CPEB1: variants seen among roughly 807,000 people sequenced by gnomAD.
CPEB1 encodes the protein cytoplasmic polyadenylation element-binding protein 1.
A neutral mutation model predicts 65.8 loss-of-function variants in CPEB1; 7 were observed. The ratio of observed to expected loss-of-function variants is 0.11; its 90% CI spans 0.06 to 0.20. The LOEUF is 0.20. Ranked by LOEUF, CPEB1 falls within the 10% of genes least tolerant of loss-of-function variation. The pLI is 1.00. For missense variants in CPEB1, 551 were observed against 712.2 expected, an observed-to-expected ratio of 0.77 and a Z score of 2.58; for synonymous variants, 262 against 260.0, an observed-to-expected ratio of 1.01 and a Z score of -0.08.
chr15:82,600,052 G>A lies in CPEB1; in HGVS notation c.271+27141C>T, dbSNP rs1253516683. ...TGAGGAGATAATGGTTGTAAATTGA[G>A]TAATGAAAGATACCAGTCTATACAT... On this transcript the variant is annotated intron_variant, in intron 3 of 12. Transcript: ENST00000684509. Among the ~76,000 whole-genome samples the A allele has an allele frequency of 1.1e-4, 17 of 152,204 alleles. No individual in the cohort carries two copies. In the East Asian group the frequency reaches 2.5e-3, roughly 22 times the overall value.
chr15:82,628,125 A>C, intron 2 of CPEB1: 2 of 685,852 alleles, frequency 2.9e-6, no homozygotes, highest in South Asian at 3.1e-5. Flanking sequence ...ATGAAAGTCT[A>C]GAAGAATTAC....
intron 5 of CPEB1, among the ~76,000 whole-genome samples, chr15:82,556,802 G>T (rs1345277301): frequency 6.6e-6 from 1 of 152,204 alleles, no homozygotes; most frequent in African/African-American, 2.4e-5. Flanking sequence ...AGACCCGCAT[G>T]TGACTGCCCT....
chr15:82,564,378 C>T (rs1298940857), intron 4 of CPEB1, among the ~76,000 whole-genome samples: 3 of 152,120 alleles, frequency 2.0e-5, no homozygotes, highest in Non-Finnish European at 4.4e-5. Flanking sequence ...CTCTGCCTCC[C>T]GGGTTCACGC....
chr15:82,610,511 G>A (rs1011121937), intron 3 of CPEB1, among the ~76,000 whole-genome samples: 1 of 151,772 alleles, frequency 6.6e-6, no homozygotes, highest in African/African-American at 2.4e-5. Flanking sequence ...GACAAGGTTG[G>A]TTCATTATAA....
At chr15:82,630,380 G>A (rs543589114) in intron 1 of CPEB1, among the ~76,000 whole-genome samples, 1 of 152,294 alleles carries the variant, frequency 6.6e-6, no homozygotes, top group Admixed American at 6.5e-5. Context: ...GTCTGGAAAA[G>A]AACTTTTGGC....
At chr15:82,584,902 G>GTTTTTT (rs1491170341) in intron 3 of CPEB1, among the ~76,000 whole-genome samples, 2 of 22,774 alleles carry the variant, frequency 8.8e-5, no homozygotes, top group African/African-American at 3.3e-4. Flanking sequence ...TTCCTAATTT[G>GTTTTTT]CTTTTTTTTT....
rs1420876423 is a variant in CPEB1 at position 82,645,399 on chromosome 15, C to T, written c.-98+1738G>A. Among the ~76,000 whole-genome samples, 6 of 151,988 alleles carry T rather than the reference C, an allele frequency of 3.9e-5. No individual in the cohort carries two copies. In the East Asian group the frequency reaches 9.7e-4, roughly 25 times the overall value. On this transcript the variant is annotated intron_variant, in intron 1 of 12. Coordinates refer to ENST00000684509, the MANE Select transcript of CPEB1 (RefSeq NM_001365242.1). ...AACTTCTGACCTCAGGTGATCTGCC[C>T]GCCTGGGCCTCCCAAAGTGCTGGGA...
At chr15:82,579,288 C>T (rs2040986208) in intron 3 of CPEB1, among the ~76,000 whole-genome samples, 1 of 152,082 alleles carries the variant, frequency 6.6e-6, no homozygotes. Context: ...CAGGGAGACC[C>T]CGTTTCTACA....
chr15:82,565,843 A>T (rs1438436291), intron 4 of CPEB1, among the ~76,000 whole-genome samples: 1 of 152,198 alleles, frequency 6.6e-6, no homozygotes, highest in Non-Finnish European at 1.5e-5. Flanking sequence ...CCTATCTTCT[A>T]AAAATGGGTA....
At chr15:82,637,580 G>C (rs528401918) in intron 1 of CPEB1, among the ~76,000 whole-genome samples, 1 of 152,240 alleles carries the variant, frequency 6.6e-6, no homozygotes, top group Admixed American at 6.5e-5. Context: ...AACCCTCGAA[G>C]GCAAGCATCA....
At chr15:82,633,809 G>GA (rs2046444897) in intron 1 of CPEB1, among the ~76,000 whole-genome samples, 1 of 152,294 alleles carries the variant, frequency 6.6e-6, no homozygotes, top group East Asian at 1.9e-4. Flanking sequence ...ATGGTCTGAA[G>GA]AAAAGCATTT....
intron 3 of CPEB1, among the ~76,000 whole-genome samples, chr15:82,602,830 G>A (rs1465506130): frequency 6.6e-6 from 1 of 152,056 alleles, no homozygotes; most frequent in African/African-American, 2.4e-5. Context: ...GGGCGACAGA[G>A]CAACCCTTCA....
intron 9 of CPEB1, among the ~76,000 whole-genome samples, chr15:82,550,951 C>G (rs1567168314): frequency 6.6e-6 from 1 of 151,976 alleles, no homozygotes; most frequent in Non-Finnish European, 1.5e-5. Flanking sequence ...AGGATGGTGT[C>G]TACAGGGGCA....
chr15:82,593,080 T>C (rs1014650480), intron 3 of CPEB1, among the ~76,000 whole-genome samples: 1 of 152,234 alleles, frequency 6.6e-6, no homozygotes, highest in East Asian at 1.9e-4. Flanking sequence ...CTTGCCTCAA[T>C]GTGCATGGCT....
intron 3 of CPEB1, among the ~76,000 whole-genome samples, chr15:82,626,501 C>A (rs1262841831): frequency 6.6e-6 from 1 of 152,062 alleles, no homozygotes; most frequent in Non-Finnish European, 1.5e-5. Flanking sequence ...CAGAACACTT[C>A]AACATTCTTA....
intron 3 of CPEB1, among the ~76,000 whole-genome samples, chr15:82,615,623 A>T (rs940044090): frequency 2.0e-5 from 3 of 152,200 alleles, no homozygotes; most frequent in African/African-American, 7.2e-5. Context: ...ACTTCAGAAA[A>T]TATTTTATAA....
chr15:82,573,535 A>G (rs867782706), intron 3 of CPEB1, among the ~76,000 whole-genome samples: 93 of 152,106 alleles, frequency 6.1e-4, no homozygotes, highest in Middle Eastern at 3.4e-3. Flanking sequence ...TCTCCCCTAC[A>G]CCAAATATCT....
chr15:82,618,009 A>AG, intron 3 of CPEB1, among the ~76,000 whole-genome samples: 1 of 152,002 alleles, frequency 6.6e-6, no homozygotes, highest in South Asian at 2.1e-4. Flanking sequence ...CTGGGATTAC[A>AG]GGTAAAGTTT....
chr15:82,553,722 TG>T (rs1007972836), intron 7 of CPEB1, among the ~76,000 whole-genome samples, 155 bp downstream of exon 7: 16 of 152,156 alleles, frequency 1.1e-4, no homozygotes, highest in African/African-American at 3.6e-4. Flanking sequence ...AGGAGCACTA[TG>T]GGGGTCTATG....
Sources: allele counts gnomAD v4.1 joint callset (sites outside exome capture counted in the v4.1 genomes callset), GRCh38; gene constraint gnomAD v4.1.1; transcripts MANE v1.5; gene names NCBI Gene and HGNC (gene_info 2026-07-23, HGNC 2026-07-21).